Variants in CNTLN observed in about 807,000 individuals in gnomAD.
CNTLN encodes the protein centlein, centrosomal protein.
Under a neutral mutation model 180.0 loss-of-function variants are expected in CNTLN, and 212 were observed. That is an observed-to-expected ratio of 1.18 (90% CI 1.05 to 1.32). The LOEUF (loss-of-function observed/expected upper bound fraction) is 1.32, where lower values mean the gene tolerates loss of function less well. CNTLN is among the 40% of genes most tolerant of loss of function. CNTLN has a pLI of 0.00. For synonymous variants in CNTLN, 722 were observed against 563.1 expected, an observed-to-expected ratio of 1.28 and a Z score of -3.99; for missense variants, 2,095 against 1,610.9, an observed-to-expected ratio of 1.30 and a Z score of -5.14.
intron 2 of CNTLN, among the ~76,000 whole-genome samples, chr9:17,159,862 A>T (rs915591891): frequency 2.0e-5 from 3 of 152,124 alleles, no homozygotes; most frequent in Non-Finnish European, 4.4e-5. Context: ...TCTTAGGACC[A>T]TTTTTAGAGG....
intron 2 of CNTLN, among the ~76,000 whole-genome samples, chr9:17,192,866 C>T (rs991376482): frequency 2.0e-5 from 3 of 152,088 alleles, no homozygotes; most frequent in African/African-American, 4.8e-5. Context: ...TTTCACGCTG[C>T]TGATAAAGAC....
intron 18 of CNTLN, among the ~76,000 whole-genome samples, chr9:17,455,702 A>T (rs1355193366): frequency 2.0e-5 from 3 of 151,940 alleles, no homozygotes; most frequent in Non-Finnish European, 4.4e-5. Flanking sequence ...TCCATGTAAA[A>T]ATGGCAGGCA....
chr9:17,515,564 C>T, the CNTLN span, among the ~76,000 whole-genome samples: 1 of 152,252 alleles, frequency 6.6e-6, no homozygotes. Context: ...TCACTCCCCC[C>T]AGTCAGTAAG....
At chr9:17,343,367 G>T (rs1343588047) in intron 12 of CNTLN, among the ~76,000 whole-genome samples, 1 of 152,124 alleles carries the variant, frequency 6.6e-6, no homozygotes, top group Non-Finnish European at 1.5e-5. Context: ...CCTCATTATG[G>T]TGTAATGTAA....
intron 6 of CNTLN, among the ~76,000 whole-genome samples, chr9:17,281,217 C>T (rs1183676020): frequency 1.3e-5 from 2 of 152,030 alleles, no homozygotes; most frequent in Admixed American, 6.6e-5. Context: ...AATTGCATTT[C>T]GTTTTTCTTA....
chr9:17,372,979 A>C (rs889611465), intron 13 of CNTLN, among the ~76,000 whole-genome samples: 1 of 152,180 alleles, frequency 6.6e-6, no homozygotes, highest in Non-Finnish European at 1.5e-5. Flanking sequence ...ACAAACATAC[A>C]TCAGGATAAT....
intron 2 of CNTLN, among the ~76,000 whole-genome samples, chr9:17,199,413 G>T (rs1159497999): frequency 6.6e-6 from 1 of 151,888 alleles, no homozygotes; most frequent in African/African-American, 2.4e-5. Context: ...AGGTTTCACT[G>T]TGTTAGCCAG....
chr9:17,308,367 T>C (rs1330683523), intron 7 of CNTLN, among the ~76,000 whole-genome samples: 1 of 152,134 alleles, frequency 6.6e-6, no homozygotes, highest in African/African-American at 2.4e-5. Flanking sequence ...AACAAATCCA[T>C]CCTCTTAATC....
chr9:17,415,348 C>T (rs1050333954), intron 16 of CNTLN, among the ~76,000 whole-genome samples: 7 of 152,110 alleles, frequency 4.6e-5, no homozygotes, highest in African/African-American at 1.7e-4. Context: ...CCTATATTTT[C>T]AGAGAATAAG....
intron 25 of CNTLN, among the ~76,000 whole-genome samples, chr9:17,496,766 C>T (rs567633250): frequency 2.6e-5 from 4 of 152,168 alleles, no homozygotes; most frequent in African/African-American, 9.7e-5. Flanking sequence ...GGACTGTAGA[C>T]TCTTAAAGCA....
At chr9:17,381,619 C>T (rs1825263192) in intron 13 of CNTLN, among the ~76,000 whole-genome samples, 1 of 152,186 alleles carries the variant, frequency 6.6e-6, no homozygotes, top group African/African-American at 2.4e-5. Flanking sequence ...AGCAGCACCC[C>T]ACTTAAAGTT....
chr9:17,211,189 G>C lies in CNTLN; in HGVS notation c.450-15014G>C, dbSNP rs189742769. Reference sequence around the variant, plus strand: ...TCTTCTAGGGTTTTTATGGTTTTAGGTCTAACGTTTAAGTCTTTAATCCCT... The same window carrying C: ...TCTTCTAGGGTTTTTATGGTTTTAGCTCTAACGTTTAAGTCTTTAATCCCT... On this transcript the variant is annotated intron_variant, in intron 2 of 25. Transcript: ENST00000380647. Among the ~76,000 whole-genome samples, 247 of 152,268 alleles carry C rather than the reference G, an allele frequency of 1.6e-3. 1 individual carries two copies. Among genetic ancestry groups the C allele is most frequent in the African/African-American group, 5.7e-3 (238 of 41,548 alleles).
At chr9:17,522,798 A>G in the CNTLN span, among the ~76,000 whole-genome samples, 1 of 152,194 alleles carries the variant, frequency 6.6e-6, no homozygotes, top group Non-Finnish European at 1.5e-5. Context: ...CCAAGCGTGT[A>G]TCCAACGCTG....
At chr9:17,513,386 T>C in the CNTLN span, among the ~76,000 whole-genome samples, 1 of 151,914 alleles carries the variant, frequency 6.6e-6, no homozygotes, top group African/African-American at 2.4e-5. Context: ...AAAAATTAAA[T>C]ATAGAACTTA....
At chr9:17,394,458 C>A (rs1564065756) in intron 14 of CNTLN, 76 bp from the exon 15 acceptor site, 3 of 1,048,910 alleles carry the variant, frequency 2.9e-6, no homozygotes, top group African/African-American at 1.6e-5. Flanking sequence ...ATTTTTATTT[C>A]ATAAGTTAGA....
At chr9:17,365,506 A>G (rs1332390397) in intron 12 of CNTLN, among the ~76,000 whole-genome samples, 1 of 152,064 alleles carries the variant, frequency 6.6e-6, no homozygotes, top group Admixed American at 6.5e-5. Context: ...CATGGGCAGT[A>G]TTTGGTTCTG....
chr9:17,346,700 G>A (rs1821928712), intron 12 of CNTLN, among the ~76,000 whole-genome samples: 1 of 152,036 alleles, frequency 6.6e-6, no homozygotes, highest in Non-Finnish European at 1.5e-5. Context: ...GTCTTGGCAT[G>A]GATTTGTTTG....
chr9:17,434,348 T>TA (rs1275042316), intron 18 of CNTLN, among the ~76,000 whole-genome samples: 3 of 152,092 alleles, frequency 2.0e-5, no homozygotes, highest in Non-Finnish European at 4.4e-5. Flanking sequence ...TTTTCTGATA[T>TA]AACTGTTTAG....
chr9:17,430,975 C>A (rs1431812620), intron 18 of CNTLN, among the ~76,000 whole-genome samples: 1 of 152,074 alleles, frequency 6.6e-6, no homozygotes, highest in South Asian at 2.1e-4. Context: ...TAGATTGATT[C>A]CGTGTCTTGG....
Sources: allele counts gnomAD v4.1 joint callset (sites outside exome capture counted in the v4.1 genomes callset), GRCh38; gene constraint gnomAD v4.1.1; transcripts MANE v1.5; gene names NCBI Gene and HGNC (gene_info 2026-07-23, HGNC 2026-07-21).